Variants in AHCTF1 observed in about 807,000 individuals in gnomAD.
AHCTF1 encodes AT-hook containing transcription factor 1, also known as protein ELYS.
AHCTF1 carries 24 observed loss-of-function variants against 248.4 expected under a neutral mutation model. The ratio of observed to expected loss-of-function variants is 0.10; its 90% CI spans 0.07 to 0.14. The LOEUF (loss-of-function observed/expected upper bound fraction) is 0.14. AHCTF1 is among the 10% of genes least tolerant of loss of function. AHCTF1 has a pLI of 1.00. For missense variants in AHCTF1, 2,206 were observed against 2,636.2 expected (o/e 0.84, Z 3.57); for synonymous variants, 786 against 929.8 (o/e 0.85, Z 2.81).
intron 1 of AHCTF1, among the ~76,000 whole-genome samples, chr1:246,918,581 G>C (rs553934518): frequency 2.0e-5 from 3 of 152,366 alleles, no homozygotes; most frequent in Admixed American, 1.3e-4. Flanking sequence ...CGGATGAACT[G>C]ATCCCAGAAG....
intron 33 of AHCTF1, among the ~76,000 whole-genome samples, chr1:246,846,936 T>A (rs1335235884): frequency 6.6e-6 from 1 of 152,004 alleles, no homozygotes; most frequent in Non-Finnish European, 1.5e-5. Flanking sequence ...ATTTTTCTTT[T>A]GTAGAGATGG....
At chr1:246,868,833 G>A (rs1378849428) in intron 24 of AHCTF1, among the ~76,000 whole-genome samples, 1 of 136,976 alleles carries the variant, frequency 7.3e-6, no homozygotes, top group Non-Finnish European at 1.5e-5. Flanking sequence ...GCTTCATTGT[G>A]TGTGTGTTTT....
intron 3 of AHCTF1, among the ~76,000 whole-genome samples, chr1:246,913,864 A>G (rs1346240463): frequency 1.3e-5 from 2 of 152,244 alleles, no homozygotes; most frequent in Non-Finnish European, 2.9e-5. Context: ...CTAGGATTCT[A>G]TGGCCTCTTC....
Position 246,888,501 on chromosome 1 carries a change from C to G in AHCTF1, c.2161G>C (p.Asp721His). 1 of 1,613,912 alleles carries G rather than the reference C, an allele frequency of 6.2e-7. No individual in the cohort carries two copies. The highest frequency in any genetic ancestry group is 8.5e-7 in the Non-Finnish European group (1 of 1,179,964). The change falls in exon 18 of 36, where the codon GAT (aspartate) becomes CAT (histidine). Residue 721 changes from aspartate to histidine, a missense_variant. Asp to His is a moderately conservative substitution (Grantham distance 81). Coordinates refer to ENST00000648844, the MANE Select transcript of AHCTF1 (RefSeq NM_001323342.2). Reference sequence around the variant, plus strand: ...ACCAGTCCATCAATCATCAAGCAATCGGGATTCCACTTCCCTCTGCAATCA... The same window carrying G: ...ACCAGTCCATCAATCATCAAGCAATGGGGATTCCACTTCCCTCTGCAATCA... Reference protein sequence around the residue: ...ERLSRGKWNPDCLMIDGLVSQ... With the variant: ...ERLSRGKWNPHCLMIDGLVSQ...
At chr1:246,910,126 T>C (rs1361818044) in intron 4 of AHCTF1, among the ~76,000 whole-genome samples, 1 of 152,210 alleles carries the variant, frequency 6.6e-6, no homozygotes, top group Non-Finnish European at 1.5e-5. Flanking sequence ...CCTTCATCTA[T>C]AACCAGAGCT....
At position 246,849,877 on chromosome 1, in the gene AHCTF1, G is replaced by T. The variant is rs1270186455; in HGVS notation, c.6129C>A (p.Ser2043Arg). ...TCTTTTTTGTAAGTTTTTTCTTAGA[G>T]CTCATCACCATCGAAAGTTCCTCGT... ...VPNEELSMVM[S>R]SKKKLTKKTE... The change falls in exon 33 of 36, where the codon AGC becomes AGA. Residue 2043 changes from serine to arginine, a missense_variant. Transcript: ENST00000648844. 1 of 1,613,766 alleles carries T rather than the reference G, an allele frequency of 6.2e-7. No individual in the cohort carries two copies. The highest frequency in any genetic ancestry group is 8.5e-7 in the Non-Finnish European group (1 of 1,179,862).
intron 7 of AHCTF1, among the ~76,000 whole-genome samples, chr1:246,903,663 T>C (rs77651496): frequency 0.17 from 9,300 of 54,722 alleles, 780 homozygotes; most frequent in African/African-American, 0.36. Context: ...CCCCCCCCCC[T>C]CCGTCTCTGC....
intron 23 of AHCTF1, among the ~76,000 whole-genome samples, chr1:246,876,656 A>G (rs1237665339): frequency 6.6e-6 from 1 of 152,138 alleles, no homozygotes; most frequent in Non-Finnish European, 1.5e-5. Flanking sequence ...CTACCACACA[A>G]TGATCTTTGT....
At chr1:246,880,720 G>T (rs1438599550) in intron 21 of AHCTF1, among the ~76,000 whole-genome samples, 2 of 152,098 alleles carry the variant, frequency 1.3e-5, no homozygotes. Context: ...AATGACAGAT[G>T]ATAATGTTCT....
intron 1 of AHCTF1, among the ~76,000 whole-genome samples, chr1:246,922,477 G>A (rs111487016): frequency 5.9e-5 from 9 of 151,408 alleles, no homozygotes; most frequent in African/African-American, 2.2e-4. Context: ...CCAGGCTGGA[G>A]TGCAGTGGCA....
rs1223154105 is a variant in AHCTF1 at position 246,899,434 on chromosome 1, C to T, written c.1494+17G>A. 6.3e-7 allele frequency: 1 copy of T among 1,586,704 alleles called. No homozygotes were observed. The highest frequency in any genetic ancestry group is 8.6e-7 in the Non-Finnish European group (1 of 1,162,702). On this transcript the variant is annotated intron_variant, in intron 11 of 35. Coordinates refer to ENST00000648844, the MANE Select transcript of AHCTF1 (RefSeq NM_001323342.2). ...TCTGACTTCAGTTCAATTAAGAAAT[C>T]ACTAGTTGTTACCTACCTCCTTCTG...
At chr1:246,883,188 T>C (rs1460211375) in intron 21 of AHCTF1, among the ~76,000 whole-genome samples, 1 of 152,182 alleles carries the variant, frequency 6.6e-6, no homozygotes, top group Non-Finnish European at 1.5e-5. Flanking sequence ...GTTTAAATAT[T>C]AAAACTTTTT....
At chr1:246,899,064 G>A (rs1489066959) in intron 11 of AHCTF1, among the ~76,000 whole-genome samples, 1 of 152,190 alleles carries the variant, frequency 6.6e-6, no homozygotes, top group Non-Finnish European at 1.5e-5. Flanking sequence ...ACCCCAGCCT[G>A]CGCAACAAGA....
At chr1:246,866,511 G>C (rs1661990922) in intron 26 of AHCTF1, among the ~76,000 whole-genome samples, 1 of 151,968 alleles carries the variant, frequency 6.6e-6, no homozygotes, top group South Asian at 2.1e-4. Context: ...ACTACACTCT[G>C]TACTTCTGGC....
chr1:246,895,244 T>C (rs1664489925), intron 13 of AHCTF1, among the ~76,000 whole-genome samples: 1 of 152,208 alleles, frequency 6.6e-6, no homozygotes, highest in African/African-American at 2.4e-5. Context: ...GTCTTAATTT[T>C]CTTGATTTTT....
chr1:246,867,252 T>G lies in AHCTF1; in HGVS notation c.3339A>C (p.Lys1113Asn), dbSNP rs755411706. The G allele has an allele frequency of 3.8e-6, 6 of 1,585,576 alleles. No individual in the cohort carries two copies. In the East Asian group the frequency reaches 1.1e-4, roughly 30 times the overall value. Reference protein sequence around the residue: ...FGTPISKASQKISRLLDLVVQ... With the variant: ...FGTPISKASQNISRLLDLVVQ... ...ATTTAATAAACTCTTACCTAGAAAT[T>G]TTTTGTGATGCTTTTGAAATTGGTG... Residue 1113 changes from lysine (K) to asparagine (N), a missense_variant, in exon 26 of 36, where the codon AAA becomes AAC. Coordinates refer to ENST00000648844, the MANE Select transcript of AHCTF1 (RefSeq NM_001323342.2).
chr1:246,863,746 G>T (rs760237399), intron 27 of AHCTF1, among the ~76,000 whole-genome samples, 178 bp downstream of exon 27: 39 of 152,168 alleles, frequency 2.6e-4, no homozygotes, highest in Admixed American at 2.5e-3. Context: ...CTTTAAGCAG[G>T]AAGGGATAAA....
intron 8 of AHCTF1, among the ~76,000 whole-genome samples, chr1:246,900,680 GT>G (rs1379484161): frequency 2.6e-5 from 4 of 152,186 alleles, no homozygotes; most frequent in African/African-American, 9.6e-5. Flanking sequence ...TTATTAAAAA[GT>G]AGTCACTCAT....
chr1:246,864,033 A>C lies in AHCTF1; in HGVS notation c.3431T>G (p.Leu1144Trp). The change falls in exon 27 of 36, where the codon TTG becomes TGG. Residue 1144 changes from leucine (L) to tryptophan (W), a missense_variant. By Grantham distance (61) the Leu-to-Trp change is moderately conservative. This residue lies in a region of AHCTF1 where 955 missense variants were observed against 1,055.6 expected (regional missense o/e 0.90). Transcript: ENST00000648844. The part of the protein sequence containing the change: ...FIQQSSMKSP[L>W]YLVSRSLPSS... ...GGGCAGTGAACGGGATACTAGGTAC[A>C]AAGGAGATTTCATGGAGCTTTGCTG... 6.2e-7 allele frequency: 1 copy of C among 1,614,180 alleles called. No individual in the cohort carries two copies. The highest frequency in any genetic ancestry group is 2.2e-5 in the East Asian group (1 of 44,880).
Sources: gnomAD v4.1 joint callset for allele counts (sites outside exome capture counted in the v4.1 genomes callset) on GRCh38, gnomAD v4.1.1 for gene constraint, gnomAD v4.1.1 regional missense constraint, MANE v1.5 for transcripts, NCBI Gene and HGNC (gene_info 2026-07-23, HGNC 2026-07-21) for gene names.